The following NTM variants were observed in gnomAD, a reference collection of about 807,000 sequenced individuals.
NTM encodes the protein neurotrimin, also known as IgLON family member 2.
In NTM, 13 loss-of-function variants were observed where a neutral mutation model predicts 42.1. The ratio of observed to expected loss-of-function variants is 0.31; its 90% CI spans 0.20 to 0.49. The LOEUF is 0.49. Ranked by LOEUF, NTM falls within the 20% of genes least tolerant of loss-of-function variation. The pLI is 0.99. For missense variants in NTM, 373 were observed against 452.8 expected, an observed-to-expected ratio of 0.82 and a Z score of 1.60; for synonymous variants, 187 against 179.2, an observed-to-expected ratio of 1.04 and a Z score of -0.35.
intron 2 of NTM, among the ~76,000 whole-genome samples, chr11:132,060,230 C>A (rs1455850292): frequency 6.6e-6 from 1 of 152,240 alleles, no homozygotes; most frequent in Non-Finnish European, 1.5e-5. Context: ...GTTCTAGATT[C>A]TTTCAACACT....
At chr11:132,280,468 C>T (rs2093926733) in intron 4 of NTM, among the ~76,000 whole-genome samples, 1 of 137,680 alleles carries the variant, frequency 7.3e-6, no homozygotes, top group African/African-American at 2.7e-5. Context: ...TGTCCTGATA[C>T]TCTCTTCTTT....
chr11:131,613,861 C>A (rs1358685910), intron 1 of NTM, among the ~76,000 whole-genome samples: 1 of 152,198 alleles, frequency 6.6e-6, no homozygotes, highest in Non-Finnish European at 1.5e-5. Flanking sequence ...ACCTGCCTTG[C>A]TTTGGTGGCT....
chr11:132,112,877 A>T lies in NTM; in HGVS notation c.168-33405A>T, dbSNP rs565324496. Among the ~76,000 whole-genome samples, 175 of 152,278 alleles carry T rather than the reference A, an allele frequency of 1.1e-3. 1 individual carries two copies. The highest frequency in any genetic ancestry group is 3.9e-3 in the African/African-American group (163 of 41,536). The stretch of plus-strand genomic sequence containing the variant: ...CCAACTCTGTTTTCTTATTTTAAAG[A>T]TCACAGAGATAATCTTCCTTGGTCA... On this transcript the variant is annotated intron_variant, in intron 2 of 8. Coordinates refer to ENST00000683400, the MANE Select transcript of NTM (RefSeq NM_001352005.2).
intron 2 of NTM, among the ~76,000 whole-genome samples, chr11:132,009,298 C>A (rs1436311821): frequency 6.6e-6 from 1 of 152,212 alleles, no homozygotes; most frequent in African/African-American, 2.4e-5. Context: ...TACTGACCTA[C>A]TCCTCATTGT....
At chr11:131,921,566 C>T (rs967320025) in intron 2 of NTM, among the ~76,000 whole-genome samples, 10 of 152,116 alleles carry the variant, frequency 6.6e-5, no homozygotes. Flanking sequence ...TATATTATGA[C>T]AGCAGTAGGA....
At chr11:132,207,637 G>T (rs1414986785) in intron 3 of NTM, among the ~76,000 whole-genome samples, 1 of 152,144 alleles carries the variant, frequency 6.6e-6, no homozygotes, top group Non-Finnish European at 1.5e-5. Flanking sequence ...CAAGGTTGGG[G>T]ACTACTCCTC....
At position 131,867,473 on chromosome 11, in the gene NTM, CTGAG is replaced by C. The variant is rs532506185; in HGVS notation, c.83-44088_83-44085del. On this transcript the variant is annotated intron_variant, in intron 1 of 8. Coordinates refer to ENST00000683400, the MANE Select transcript of NTM (RefSeq NM_001352005.2). ...TATGTGTGTGTGTGTCTGTGTGTGTCTGAGTGTGTGTCTACCTGTTTATCTGTGA... is the reference window on the plus strand; with the variant it reads ...TATGTGTGTGTGTGTCTGTGTGTGTCTGTGTGTCTACCTGTTTATCTGTGA... Among the ~76,000 whole-genome samples the C allele has an allele frequency of 6.7e-3, 1,010 of 150,918 alleles. 5 individuals are homozygous for C. Among genetic ancestry groups the C allele is most frequent in the Middle Eastern group, 0.045 (13 of 290 alleles).
At chr11:131,769,882 T>C (rs2085761798) in intron 1 of NTM, among the ~76,000 whole-genome samples, 1 of 152,196 alleles carries the variant, frequency 6.6e-6, no homozygotes, top group Non-Finnish European at 1.5e-5. Flanking sequence ...ACATCAGCTT[T>C]GCCGCTGGTA....
intron 1 of NTM, among the ~76,000 whole-genome samples, chr11:131,907,351 T>C (rs1445819528): frequency 6.6e-6 from 1 of 152,226 alleles, no homozygotes; most frequent in East Asian, 1.9e-4. Flanking sequence ...CAGGGTTGCC[T>C]GAAGTCTCCA....
At chr11:131,647,289 G>C (rs1119542) in intron 1 of NTM, among the ~76,000 whole-genome samples, 129,972 of 152,238 alleles carry the variant, frequency 0.85, 55,560 homozygotes, top group East Asian at 0.91. Flanking sequence ...AGACTTGAAA[G>C]TCGCACCATC....
intron 1 of NTM, among the ~76,000 whole-genome samples, chr11:131,780,613 G>A (rs950285516): frequency 6.6e-6 from 1 of 152,278 alleles, no homozygotes; most frequent in Admixed American, 6.5e-5. Flanking sequence ...TCTATTCAAT[G>A]TTGTTTTCTA....
At chr11:131,614,292 C>T (rs1244532880) in intron 1 of NTM, among the ~76,000 whole-genome samples, 2 of 152,148 alleles carry the variant, frequency 1.3e-5, no homozygotes, top group Admixed American at 6.5e-5. Context: ...AAGTGGTTCC[C>T]ATAAATGCCC....
chr11:131,952,157 C>T (rs1373870088), intron 2 of NTM, among the ~76,000 whole-genome samples: 1 of 152,126 alleles, frequency 6.6e-6, no homozygotes, highest in East Asian at 1.9e-4. Context: ...TCCCTATCCT[C>T]ATAAAACACA....
At chr11:132,156,123 G>C (rs188687571) in intron 3 of NTM, among the ~76,000 whole-genome samples, 384 of 152,312 alleles carry the variant, frequency 2.5e-3, no homozygotes, top group Non-Finnish European at 3.2e-3. Context: ...CTTGTAGCCT[G>C]AGTGATCTTT....
At chr11:132,000,506 T>C (rs1294277790) in intron 2 of NTM, among the ~76,000 whole-genome samples, 1 of 152,216 alleles carries the variant, frequency 6.6e-6, no homozygotes, top group East Asian at 1.9e-4. Context: ...ATGACTTCAA[T>C]GTGCAAAGCA....
intron 4 of NTM, among the ~76,000 whole-genome samples, chr11:132,269,861 G>T (rs1235648043): frequency 1.3e-5 from 2 of 152,256 alleles, no homozygotes; most frequent in Non-Finnish European, 2.9e-5. Flanking sequence ...ATTTGTGTGT[G>T]GTTTTAAAAC....
chr11:132,112,535 T>A (rs1157972181), intron 2 of NTM, among the ~76,000 whole-genome samples: 2 of 151,988 alleles, frequency 1.3e-5, no homozygotes, highest in Non-Finnish European at 1.5e-5. Flanking sequence ...AAAACGAGAC[T>A]CCCAGTGGGA....
intron 1 of NTM, among the ~76,000 whole-genome samples, chr11:131,858,704 C>A (rs930472940): frequency 6.6e-6 from 1 of 152,130 alleles, no homozygotes; most frequent in East Asian, 1.9e-4. Flanking sequence ...CACGTTGAGC[C>A]GCAGCAGCTG....
chr11:131,806,739 GAC>G (rs943744268), intron 1 of NTM, among the ~76,000 whole-genome samples: 5 of 152,184 alleles, frequency 3.3e-5, no homozygotes, highest in African/African-American at 1.2e-4. Context: ...TGTCACAGAT[GAC>G]ACACACTCTC....
Sources: gnomAD v4.1 joint callset for allele counts (sites outside exome capture counted in the v4.1 genomes callset) on GRCh38, gnomAD v4.1.1 for gene constraint, MANE v1.5 for transcripts, NCBI Gene and HGNC (gene_info 2026-07-23, HGNC 2026-07-21) for gene names.